Variants in ATP1B3 observed in about 807,000 individuals in gnomAD.
The protein encoded by ATP1B3 is ATPase Na+/K+ transporting subunit beta 3.
Under a neutral mutation model 30.2 loss-of-function variants are expected in ATP1B3, and 10 were observed. That is an observed-to-expected ratio of 0.33 (90% CI 0.20 to 0.56). ATP1B3 has a LOEUF of 0.56. Among genes scored for constraint, ATP1B3 ranks in the 20% least tolerant of loss-of-function variants. ATP1B3 has a pLI of 0.90. For synonymous variants in ATP1B3, 113 were observed against 117.0 expected (o/e 0.97, Z 0.22); for missense variants, 238 against 336.7 (o/e 0.71, Z 2.29).
At chr3:141,920,331 A>G (rs923249097) in intron 5 of ATP1B3, among the ~76,000 whole-genome samples, 1 of 152,164 alleles carries the variant, frequency 6.6e-6, no homozygotes, top group Non-Finnish European at 1.5e-5. Flanking sequence ...GTTTGAGACC[A>G]GCCTGGCCAA....
At chr3:141,897,509 C>T (rs150495503) in intron 1 of ATP1B3, among the ~76,000 whole-genome samples, 125 of 152,206 alleles carry the variant, frequency 8.2e-4, no homozygotes, top group African/African-American at 2.7e-3. Context: ...GCTTGAGACT[C>T]CCTGGGAGAG....
intron 1 of ATP1B3, 79 bp downstream of exon 1, chr3:141,876,989 GC>G: frequency 8.8e-7 from 1 of 1,134,294 alleles, no homozygotes; most frequent in Non-Finnish European, 1.2e-6. Context: ...GAACGGAAAG[GC>G]GGGAGGCGGC....
At chr3:141,895,582 T>G (rs1026677190) in intron 1 of ATP1B3, among the ~76,000 whole-genome samples, 1 of 152,238 alleles carries the variant, frequency 6.6e-6, no homozygotes, top group Non-Finnish European at 1.5e-5. Flanking sequence ...ATTGTATGGA[T>G]ATAGCCAAAT....
At chr3:141,884,239 C>T (rs1183237280) in intron 1 of ATP1B3, among the ~76,000 whole-genome samples, 3 of 152,048 alleles carry the variant, frequency 2.0e-5, no homozygotes, top group Non-Finnish European at 2.9e-5. Flanking sequence ...TTTGTGACTT[C>T]TTAGGATTTT....
chr3:141,880,259 A>T (rs1933697528), intron 1 of ATP1B3, among the ~76,000 whole-genome samples: 1 of 152,194 alleles, frequency 6.6e-6, no homozygotes. Flanking sequence ...TGGCCGCTTT[A>T]CTGTGTATTT....
At chr3:141,885,945 T>C (rs1933825090) in intron 1 of ATP1B3, among the ~76,000 whole-genome samples, 1 of 150,530 alleles carries the variant, frequency 6.6e-6, no homozygotes, top group Non-Finnish European at 1.5e-5. Flanking sequence ...TTGTTGACCC[T>C]GGGGAAAGTG....
chr3:141,922,604 G>A (rs974193103), intron 6 of ATP1B3, among the ~76,000 whole-genome samples: 1 of 151,558 alleles, frequency 6.6e-6, no homozygotes, highest in Admixed American at 6.6e-5. Context: ...AGTGAGCCAA[G>A]ATTGTACCAC....
At position 141,876,730 on chromosome 3, in the gene ATP1B3, G is replaced by A; in HGVS notation, c.-72G>A. The A allele has an allele frequency of 1.6e-6, 2 of 1,226,240 alleles. No individual in the cohort carries two copies. Among genetic ancestry groups the A allele is most frequent in the South Asian group, 1.3e-5 (1 of 78,180 alleles). 76.0% of individuals were successfully genotyped at this position (1,226,240 alleles called of 1,614,324 possible). ...TCTCCGGGCTGCGCCGCCGGAGCCG[G>A]GACGCGCCTCCGCAGCCCTCGCCGC... On this transcript the variant is annotated 5_prime_UTR_variant, in exon 1 of 7. Transcript: ENST00000286371.
intron 5 of ATP1B3, chr3:141,916,494 T>C: frequency 1.7e-6 from 2 of 1,164,132 alleles, no homozygotes; most frequent in Non-Finnish European, 2.3e-6. Context: ...TCCAGAATAC[T>C]GTGCAGTTTT....
At position 141,876,883 on chromosome 3, in the gene ATP1B3, T is replaced by C. The variant is rs761882555; in HGVS notation, c.82T>C (p.Phe28Leu). ...LFIYNPTTGE[F>L]LGRTAKSWGL... ...CATCTACAACCCGACCACCGGAGAA[T>C]TCCTGGGGCGCACCGCCAAGAGCTG... Residue 28 changes from phenylalanine to leucine, a missense_variant, in exon 1 of 7, where the codon TTC (phenylalanine) becomes CTC (leucine). By Grantham distance (22) the Phe-to-Leu change is conservative (BLOSUM62 0). Coordinates refer to ENST00000286371, the MANE Select transcript of ATP1B3 (RefSeq NM_001679.4). The C allele has an allele frequency of 1.6e-5, 25 of 1,578,750 alleles. No homozygotes were observed. In the South Asian group the frequency reaches 2.8e-4, roughly 18 times the overall value.
At chr3:141,913,949 A>AAT in intron 4 of ATP1B3, 113 bp downstream of exon 4, 1 of 1,017,584 alleles carries the variant, frequency 9.8e-7, no homozygotes, top group Non-Finnish European at 1.4e-6. Context: ...AAAAGTTATC[A>AAT]TTTGGGGGGT....
intron 1 of ATP1B3, among the ~76,000 whole-genome samples, chr3:141,887,778 TGCGAACGAAA>T (rs1462460567): frequency 2.0e-5 from 3 of 152,208 alleles, no homozygotes; most frequent in African/African-American, 7.2e-5. Context: ...ACAGGTTGAC[TGCGAACGAAA>T]GCCTTACCAA....
chr3:141,892,025 A>AG (rs1469100434), intron 1 of ATP1B3, among the ~76,000 whole-genome samples: 4 of 152,056 alleles, frequency 2.6e-5, no homozygotes, highest in Non-Finnish European at 5.9e-5. Flanking sequence ...TACGTATACT[A>AG]GGTAACTGTT....
intron 1 of ATP1B3, among the ~76,000 whole-genome samples, chr3:141,892,651 C>CAAAAA (rs386398103): frequency 2.1e-4 from 15 of 70,022 alleles, no homozygotes; most frequent in Admixed American, 3.8e-4. Flanking sequence ...GAGACTGTCT[C>CAAAAA]AAAAAAAAAA....
intron 3 of ATP1B3, among the ~76,000 whole-genome samples, chr3:141,913,443 T>A (rs1054577560): frequency 1.1e-4 from 16 of 152,186 alleles, no homozygotes; most frequent in Admixed American, 3.9e-4. Flanking sequence ...TAATCCAGTT[T>A]GTATGATTAT....
At chr3:141,925,282 G>GGA (rs1300007329) in intron 6 of ATP1B3, among the ~76,000 whole-genome samples, 1 of 152,112 alleles carries the variant, frequency 6.6e-6, no homozygotes, top group Non-Finnish European at 1.5e-5. Context: ...GCCTGGGCAG[G>GGA]GAGACCCTGT....
At chr3:141,922,807 T>C (rs1272203503) in intron 6 of ATP1B3, among the ~76,000 whole-genome samples, 2 of 140,836 alleles carry the variant, frequency 1.4e-5, no homozygotes, top group African/African-American at 5.4e-5. Flanking sequence ...CTACTAAAAA[T>C]TACAAAAAAT....
intron 4 of ATP1B3, 147 bp from the exon 5 acceptor site, chr3:141,915,823 C>A: frequency 2.3e-6 from 1 of 426,784 alleles, no homozygotes; most frequent in Non-Finnish European, 4.2e-6. Flanking sequence ...ATTTTAATAC[C>A]CTCAAATAAG....
intron 4 of ATP1B3, among the ~76,000 whole-genome samples, chr3:141,914,385 A>G (rs1934419013): frequency 1.3e-5 from 2 of 152,224 alleles, no homozygotes; most frequent in African/African-American, 4.8e-5. Flanking sequence ...AAGTAGCAGC[A>G]TTTTGCTGTT....
Sources: gnomAD v4.1 joint callset for allele counts (sites outside exome capture counted in the v4.1 genomes callset) on GRCh38, gnomAD v4.1.1 for gene constraint, MANE v1.5 for transcripts, NCBI Gene and HGNC (gene_info 2026-07-23, HGNC 2026-07-21) for gene names.